Variants in WIZ observed in about 807,000 individuals in gnomAD.
WIZ encodes protein Wiz.
In WIZ, 25 loss-of-function variants were observed where a neutral mutation model predicts 140.2. That is an observed-to-expected ratio of 0.18 (90% CI 0.13 to 0.25). The LOEUF is 0.25. Among genes scored for constraint, WIZ ranks in the 10% least tolerant of loss-of-function variants. The probability of loss-of-function intolerance (pLI) is 1.00; values close to 1 mark genes in which losing one functional copy is unlikely to be tolerated. For missense variants in WIZ, 2,231 were observed against 2,632.6 expected, an observed-to-expected ratio of 0.85 and a Z score of 3.34; for synonymous variants, 1,125 against 1,154.3, an observed-to-expected ratio of 0.97 and a Z score of 0.51.
intron 1 of WIZ, 136 bp downstream of exon 1, chr19:15,449,662 C>CAGGCCCCGCCCCTGA (rs1286754121): frequency 6.8e-6 from 1 of 146,706 alleles, no homozygotes; most frequent in African/African-American, 2.5e-5. Context: ...CGCCCCCGGC[C>CAGGCCCCGCCCCTGA]AGGCCCCGCC....
Position 15,424,837 on chromosome 19 carries a change from C to T in WIZ, c.5090G>A (p.Gly1697Asp). Residue 1697 changes from glycine to aspartate, a missense_variant, in exon 11 of 13, where the codon GGC becomes GAC. Physicochemically the swap from Gly to Asp is moderately conservative, Grantham distance 94 (BLOSUM62 -1). Around this residue, in one of 15 missense-constraint regions of WIZ, gnomAD observed 299 missense variants for 309.6 expected, o/e 0.97. Coordinates refer to ENST00000673675, the MANE Select transcript of WIZ (RefSeq NM_001371589.1). This position sits in a 1 kb window ranked among gnomAD's most constrained non-coding sequence, Gnocchi z 9.7. ...VGAYRSYIQG[G>D]RPFTKKFRSA... ...GCGGAACTTCTTGGTGAAGGGGCGGCCGCCCTGGATGTAGCTGCGGTAGGC... is the reference window on the plus strand; with the variant it reads ...GCGGAACTTCTTGGTGAAGGGGCGGTCGCCCTGGATGTAGCTGCGGTAGGC... The T allele has an allele frequency of 6.2e-7, 1 of 1,610,372 alleles. No homozygotes were observed. Among genetic ancestry groups the T allele is most frequent in the Non-Finnish European group, 8.5e-7 (1 of 1,179,116 alleles).
At chr19:15,432,254 G>A (rs933679126) in intron 5 of WIZ, among the ~76,000 whole-genome samples, 2 of 151,984 alleles carry the variant, frequency 1.3e-5, no homozygotes, top group Non-Finnish European at 2.9e-5. Flanking sequence ...AGCGGCGGAG[G>A]AGTGTTTCTG....
rs754973520 is a variant in WIZ, at chr19:15,448,241, C to A, written c.67G>T (p.Gly23Cys). 19 of 1,613,432 alleles carry A rather than the reference C, an allele frequency of 1.2e-5. No homozygotes were observed. Among genetic ancestry groups the A allele is most frequent in the Middle Eastern group, 1.6e-4 (1 of 6,078 alleles). Residue 23 changes from glycine (G) to cysteine (C), a missense_variant, in exon 2 of 13, where the codon GGC becomes TGC. Physicochemically the swap from Gly to Cys is radical, Grantham distance 159. Coordinates refer to ENST00000673675, the MANE Select transcript of WIZ (RefSeq NM_001371589.1). ...TCGATGTTCTCCCTTGGCGCCGGGC[C>A]AGGCAGTCTCTCTGGGCCTTGGGGA... Reference protein sequence around the residue: ...DRPQGPERLPGPAPRENIEGG... With the variant: ...DRPQGPERLPCPAPRENIEGG...
In WIZ at chr19:15,439,758, T is replaced by G. The variant is rs560188179; in HGVS notation, c.1236A>C (p.Ser412=). The G allele has an allele frequency of 2.0e-6, 3 of 1,479,302 alleles. No homozygotes were observed. In the South Asian group the frequency reaches 3.9e-5, roughly 19 times the overall value. The allele number at this position is 1,479,302 out of a possible 1,614,324, so 91.6% of individuals were successfully genotyped here. ...TGGCATGCTGCACATAGGCCCTGGA[T>G]GAATTGGTGCCAAAGACACACTTAG... The part of the protein sequence containing the change: ...QCPKCVFGTN[S]SRAYVQHAKL... The change falls in exon 4 of 13, where the codon TCA becomes TCC. Residue 412 remains serine, a synonymous_variant. Transcript: ENST00000673675. This position sits in a 1 kb window ranked among gnomAD's most constrained non-coding sequence, Gnocchi z 7.0.
Position 15,428,092 on chromosome 19 carries a change from G to A in WIZ, c.3814+18C>T. The A allele has an allele frequency of 6.5e-7, 1 of 1,533,232 alleles. No homozygotes were observed. Among genetic ancestry groups the A allele is most frequent in the Non-Finnish European group, 8.7e-7 (1 of 1,146,452 alleles). The allele number at this position is 1,533,232 out of a possible 1,614,324, so 95.0% of individuals were successfully genotyped here. On this transcript the variant is annotated intron_variant, in intron 8 of 12. Transcript: ENST00000673675. The surrounding 1 kb of genome is among the most constrained non-coding windows in gnomAD (Gnocchi z 6.4). ...CAGGGCCCGCAGTGAGGAGGGGGCA[G>A]CTGAAGCGAGAACCTACAGAGGTTG...
rs918615746 is a variant in WIZ, at chr19:15,429,863, C to A, written c.3138G>T (p.Val1046=). Residue 1046 remains valine (V), a synonymous_variant, in exon 7 of 13, where the codon GTG becomes GTT. Transcript: ENST00000673675. The part of the protein sequence containing the change: ...LAKKSSSLKE[V]VAGAPRPGLL... ...AGCCGGGCCGGGGGGCCCCGGCGAC[C>A]ACCTCCTTCAGTGAGCTGGACTTCT... 1.3e-6 allele frequency: 2 copies of A among 1,530,692 alleles called. No homozygotes were observed. Among genetic ancestry groups the A allele is most frequent in the Non-Finnish European group, 8.7e-7 (1 of 1,143,084 alleles). 94.8% of individuals were successfully genotyped at this position (1,530,692 alleles called of 1,614,324 possible).
chr19:15,445,385 C>T (rs903921580), intron 2 of WIZ, among the ~76,000 whole-genome samples: 1 of 152,208 alleles, frequency 6.6e-6, no homozygotes, highest in African/African-American at 2.4e-5. Flanking sequence ...CAGCCACCGA[C>T]CCAGTCTCGC....
chr19:15,429,505 T>G, intron 7 of WIZ, 81 bp downstream of exon 7: 265 of 381,440 alleles, frequency 6.9e-4, no homozygotes, highest in Non-Finnish European at 1.0e-3. Context: ...CCCTGGGCCC[T>G]GTCCCTGGGC....
At chr19:15,430,274 G>T (rs1212013143) in intron 6 of WIZ, among the ~76,000 whole-genome samples, 185 bp from the exon 7 acceptor site, 6 of 152,334 alleles carry the variant, frequency 3.9e-5, no homozygotes, top group African/African-American at 1.4e-4. Flanking sequence ...TGCCAATAAG[G>T]GTTAGAAACT....
rs897189925 is a variant in WIZ at position 15,429,692 on chromosome 19, G to T, written c.3309C>A (p.Thr1103=). The T allele has an allele frequency of 3.8e-5, 55 of 1,441,704 alleles. No individual in the cohort carries two copies. The highest frequency in any genetic ancestry group is 4.8e-5 in the Non-Finnish European group (53 of 1,100,988). 89.3% of individuals were successfully genotyped at this position (1,441,704 alleles called of 1,614,324 possible). ...KTPLALAGSP[T]PKNPEDKSPQ... is the part of the protein sequence containing the mutation. ...GGCTCTTGTCCTCAGGATTCTTAGG[G>T]GTAGGGGAGCCCGCCAGGGCCAGTG... Residue 1103 remains threonine, a synonymous_variant, in exon 7 of 13, where the codon ACC becomes ACA. Coordinates refer to ENST00000673675, the MANE Select transcript of WIZ (RefSeq NM_001371589.1).
At chr19:15,431,651 G>C (rs1969247568) in intron 5 of WIZ, among the ~76,000 whole-genome samples, 1 of 152,226 alleles carries the variant, frequency 6.6e-6, no homozygotes, top group Admixed American at 6.5e-5. Context: ...CACTTGTGAG[G>C]AATCTCCACC....
chr19:15,445,266 G>T (rs1176722825), intron 2 of WIZ, among the ~76,000 whole-genome samples: 1 of 152,242 alleles, frequency 6.6e-6, no homozygotes, highest in African/African-American at 2.4e-5. Flanking sequence ...GAGTGGCCAA[G>T]AACCTAGATT....
chr19:15,425,396 G>A lies in WIZ; in HGVS notation c.4739C>T (p.Ala1580Val). 1.3e-6 allele frequency: 2 copies of A among 1,557,350 alleles called. No homozygotes were observed. Among genetic ancestry groups the A allele is most frequent in the Non-Finnish European group, 1.7e-6 (2 of 1,150,506 alleles). ...RELSLTPITG[A>V]KPSATGYLGS... ...CAGGTAGCCAGTGGCTGAGGGCTTG[G>A]CCCCAGTGATGGGCGTCAGGCTGAG... is the stretch of plus-strand genomic sequence containing the variant. The change falls in exon 10 of 13, where the codon GCC becomes GTC. Residue 1580 changes from alanine (A) to valine (V), a missense_variant. Physicochemically the swap from Ala to Val is moderately conservative, Grantham distance 64. Transcript: ENST00000673675.
rs915357826 is a variant in WIZ, at chr19:15,428,048, C to T, written c.3814+62G>A. The T allele has an allele frequency of 1.2e-5, 18 of 1,513,596 alleles. No individual in the cohort carries two copies. Among genetic ancestry groups the T allele is most frequent in the African/African-American group, 1.4e-5 (1 of 71,968 alleles). The allele number at this position is 1,513,596 out of a possible 1,614,324, so 93.8% of individuals were successfully genotyped here. A position where few individuals can be genotyped will look rare whatever the true frequency, so the allele number is the denominator to read the frequency against. On this transcript the variant is annotated intron_variant, in intron 8 of 12. Coordinates refer to ENST00000673675, the MANE Select transcript of WIZ (RefSeq NM_001371589.1). This position sits in a 1 kb window ranked among gnomAD's most constrained non-coding sequence, Gnocchi z 6.4. ...CCCCAGCAGGGAGGGGGCTGTGACC[C>T]CCCCCCCGGGAGGGGCTCCAGGGCC...
intron 5 of WIZ, among the ~76,000 whole-genome samples, chr19:15,431,488 C>T (rs1969234127): frequency 6.6e-6 from 1 of 152,186 alleles, no homozygotes; most frequent in African/African-American, 2.4e-5. Context: ...TCTCTCTGGG[C>T]AGAACTTGTG....
chr19:15,436,543 G>C (rs531590763), intron 5 of WIZ: 13 of 449,692 alleles, frequency 2.9e-5, no homozygotes, highest in Admixed American at 8.8e-5. Flanking sequence ...CCCAGTAAAA[G>C]CTCAGTAAGC....
Position 15,428,074 on chromosome 19 carries a change from C to T in WIZ, c.3814+36G>A. 6.5e-7 allele frequency: 1 copy of T among 1,529,266 alleles called. No individual in the cohort carries two copies. The highest frequency in any genetic ancestry group is 8.7e-7 in the Non-Finnish European group (1 of 1,144,652). 94.7% of individuals were successfully genotyped at this position (1,529,266 alleles called of 1,614,324 possible). A position where few individuals can be genotyped will look rare whatever the true frequency, so the allele number is the denominator to read the frequency against. ...CCCCCCCGGGAGGGGCTCCAGGGCC[C>T]GCAGTGAGGAGGGGGCAGCTGAAGC... On this transcript the variant is annotated intron_variant, in intron 8 of 12. Transcript: ENST00000673675. The surrounding 1 kb of genome is among the most constrained non-coding windows in gnomAD (Gnocchi z 6.4).
At chr19:15,438,286 G>A (rs1349810278) in intron 4 of WIZ, among the ~76,000 whole-genome samples, 1 of 152,232 alleles carries the variant, frequency 6.6e-6, no homozygotes, top group Admixed American at 6.5e-5. Context: ...CAGGTCCCCA[G>A]AACAGAGGGG....
rs147251044 is a variant in WIZ at position 15,424,541 on chromosome 19, C to A, written c.5314+72G>T. ...AAAGGACTTAAGGGCCACAGCAGAG[C>A]GCCTGGGGAGTGGCTGGGTGGGCCT... On this transcript the variant is annotated intron_variant, in intron 11 of 12. Coordinates refer to ENST00000673675, the MANE Select transcript of WIZ (RefSeq NM_001371589.1). The surrounding 1 kb of genome is among the most constrained non-coding windows in gnomAD (Gnocchi z 9.7). 0.074 allele frequency: 112,752 copies of A among 1,530,802 alleles called. 4,578 individuals carry two copies. Among genetic ancestry groups the A allele is most frequent in the Middle Eastern group, 0.14 (577 of 4,162 alleles). 94.8% of individuals were successfully genotyped at this position (1,530,802 alleles called of 1,614,324 possible).
Sources: allele counts gnomAD v4.1 joint callset (sites outside exome capture counted in the v4.1 genomes callset), GRCh38; gene constraint gnomAD v4.1.1; regional missense constraint gnomAD v4.1.1; non-coding constraint Gnocchi (gnomAD v3.1); transcripts MANE v1.5; gene names NCBI Gene and HGNC (gene_info 2026-07-23, HGNC 2026-07-21).